Variants in ULK4 observed in about 807,000 individuals in gnomAD.
ULK4 encodes the protein unc-51 like kinase 4, also known as inactive serine/threonine-protein kinase ULK4.
Under a neutral mutation model 160.6 loss-of-function variants are expected in ULK4, and 133 were observed. The observed-to-expected ratio is 0.83, with a 90% confidence interval of 0.72 to 0.96. The LOEUF is 0.96. ULK4 is among the 40% of genes least tolerant of loss of function. The pLI, the probability that ULK4 is intolerant of heterozygous loss-of-function variation, is 0.00. For synonymous variants in ULK4, 534 were observed against 539.8 expected (o/e 0.99, Z 0.15); for missense variants, 1,580 against 1,499.5 (o/e 1.05, Z -0.89).
chr3:41,622,885 C>A (rs2033324215), intron 30 of ULK4, among the ~76,000 whole-genome samples: 1 of 152,116 alleles, frequency 6.6e-6, no homozygotes, highest in African/African-American at 2.4e-5. Flanking sequence ...GCCACATTGT[C>A]TCTATAGCAA....
intron 34 of ULK4, among the ~76,000 whole-genome samples, chr3:41,442,213 G>A (rs2083187876): frequency 6.6e-6 from 1 of 152,132 alleles, no homozygotes; most frequent in African/African-American, 2.4e-5. Flanking sequence ...TAGGGAGCCA[G>A]GACAGGACAG....
intron 32 of ULK4, among the ~76,000 whole-genome samples, chr3:41,554,125 A>T (rs1201907703): frequency 6.6e-6 from 1 of 152,140 alleles, no homozygotes; most frequent in Non-Finnish European, 1.5e-5. Context: ...GTAACATAAT[A>T]ACCTGCAGTT....
intron 31 of ULK4, among the ~76,000 whole-genome samples, chr3:41,603,424 A>G (rs1022926503): frequency 2.0e-5 from 3 of 152,254 alleles, no homozygotes; most frequent in Admixed American, 1.3e-4. Flanking sequence ...CTCTCTCCTC[A>G]GTTGACAGGA....
intron 32 of ULK4, among the ~76,000 whole-genome samples, chr3:41,486,083 T>TA (rs1219123188): frequency 1.3e-5 from 2 of 152,194 alleles, no homozygotes; most frequent in East Asian, 3.8e-4. Context: ...TCCTTTCCAG[T>TA]TTCCTGGAGC....
chr3:41,633,880 A>G (rs1042581695), intron 30 of ULK4, among the ~76,000 whole-genome samples: 13 of 152,128 alleles, frequency 8.5e-5, no homozygotes, highest in African/African-American at 3.1e-4. Context: ...ACACCACGCA[A>G]TGTCATTTAT....
At chr3:41,322,463 G>C (rs543423850) in intron 35 of ULK4, among the ~76,000 whole-genome samples, 1 of 152,086 alleles carries the variant, frequency 6.6e-6, no homozygotes, top group African/African-American at 2.4e-5. Flanking sequence ...GTATGGATTC[G>C]CTGCTGCTAA....
chr3:41,323,591 A>G (rs974022943), intron 35 of ULK4, among the ~76,000 whole-genome samples: 2 of 152,126 alleles, frequency 1.3e-5, no homozygotes, highest in African/African-American at 2.4e-5. Context: ...ACACCATAGA[A>G]AGCAAATTCT....
chr3:41,661,502 T>G (rs1235474320), intron 30 of ULK4, among the ~76,000 whole-genome samples: 1 of 126,470 alleles, frequency 7.9e-6, no homozygotes, highest in Non-Finnish European at 1.5e-5. Context: ...GACAGATAGA[T>G]AGATAGATGA....
intron 32 of ULK4, among the ~76,000 whole-genome samples, chr3:41,469,840 G>C (rs1288827835): frequency 6.7e-6 from 1 of 150,036 alleles, no homozygotes; most frequent in Non-Finnish European, 1.5e-5. Context: ...CTTCAACATA[G>C]GCTCCCTCAC....
intron 2 of ULK4, among the ~76,000 whole-genome samples, chr3:41,953,305 T>TATA (rs1491089866): frequency 0.03 from 2,747 of 91,634 alleles, 32 homozygotes; most frequent in African/African-American, 0.068. Flanking sequence ...TATATATATA[T>TATA]TTTTTTTTTT....
At chr3:41,515,915 T>A (rs1023821486) in intron 32 of ULK4, among the ~76,000 whole-genome samples, 4 of 152,204 alleles carry the variant, frequency 2.6e-5, no homozygotes, top group Non-Finnish European at 4.4e-5. Flanking sequence ...AGAAGATTGA[T>A]GAACACTGTC....
At chr3:41,934,027 A>C (rs947561922) in intron 4 of ULK4, among the ~76,000 whole-genome samples, 2 of 152,146 alleles carry the variant, frequency 1.3e-5, no homozygotes, top group Non-Finnish European at 2.9e-5. Context: ...AACAGAGTGA[A>C]ACTGTGTCTC....
intron 22 of ULK4, among the ~76,000 whole-genome samples, chr3:41,735,263 C>T (rs1242369363): frequency 6.6e-6 from 1 of 152,038 alleles, no homozygotes; most frequent in Non-Finnish European, 1.5e-5. Context: ...AACTGACTGC[C>T]TGGAAATGGT....
chr3:41,728,539 G>C (rs2037724446), intron 22 of ULK4, among the ~76,000 whole-genome samples: 1 of 152,064 alleles, frequency 6.6e-6, no homozygotes, highest in Non-Finnish European at 1.5e-5. Flanking sequence ...CAACAACGCA[G>C]ATCAAATTTG....
chr3:41,249,024 A>G (rs2078696482), intron 36 of ULK4, among the ~76,000 whole-genome samples: 1 of 152,200 alleles, frequency 6.6e-6, no homozygotes, highest in African/African-American at 2.4e-5. Flanking sequence ...AACCTGGTGC[A>G]GCAGAGCAGG....
chr3:41,597,526 A>G (rs2031775429), intron 31 of ULK4, among the ~76,000 whole-genome samples: 1 of 152,190 alleles, frequency 6.6e-6, no homozygotes, highest in South Asian at 2.1e-4. Flanking sequence ...GCACCTATAG[A>G]ATCAAGTCCC....
chr3:41,644,916 T>C (rs575432105), intron 30 of ULK4, among the ~76,000 whole-genome samples: 39 of 152,312 alleles, frequency 2.6e-4, no homozygotes, highest in African/African-American at 8.9e-4. Flanking sequence ...CCTGGTTTAG[T>C]CTTGGGAGGG....
At chr3:41,566,152 A>T (rs781654557) in intron 31 of ULK4, 22 bp from the exon 32 acceptor site, 3 of 1,581,496 alleles carry the variant, frequency 1.9e-6, no homozygotes, top group Non-Finnish European at 2.6e-6. Flanking sequence ...CATAATTTCC[A>T]TCATAACCAT....
intron 21 of ULK4, 22 bp downstream of exon 21, chr3:41,789,639 A>T: frequency 1.3e-6 from 2 of 1,537,886 alleles, no homozygotes; most frequent in Non-Finnish European, 1.8e-6. Flanking sequence ...ATGTAGAGTA[A>T]CAGGTAAAAT....
Sources: gnomAD v4.1 joint callset for allele counts (sites outside exome capture counted in the v4.1 genomes callset) on GRCh38, gnomAD v4.1.1 for gene constraint, MANE v1.5 for transcripts, NCBI Gene and HGNC (gene_info 2026-07-23, HGNC 2026-07-21) for gene names.